TUBGCP4: variants seen among roughly 807,000 people sequenced by gnomAD.
TUBGCP4 encodes the protein tubulin gamma complex component 4, also known as gamma-tubulin complex component 4.
TUBGCP4 carries 54 observed loss-of-function variants against 91.6 expected under a neutral mutation model. That is an observed-to-expected ratio of 0.59 (90% confidence interval 0.47 to 0.74). The LOEUF is 0.74. Among genes scored for constraint, TUBGCP4 ranks in the 30% least tolerant of loss-of-function variants. The pLI, the probability that TUBGCP4 is intolerant of heterozygous loss-of-function variation, is 0.00. For missense variants in TUBGCP4, 593 were observed against 800.9 expected (o/e 0.74, Z 3.13); for synonymous variants, 297 against 302.8 (o/e 0.98, Z 0.20).
At chr15:43,371,538 C>T (rs754995321) in intron 1 of TUBGCP4, 106 bp downstream of exon 1, 7 of 1,144,024 alleles carry the variant, frequency 6.1e-6, no homozygotes, top group South Asian at 2.6e-5. Flanking sequence ...GCTTCCAGGG[C>T]TGGGGGCGTA....
intron 8 of TUBGCP4, 76 bp downstream of exon 8, chr15:43,386,032 C>T (rs2044351804): frequency 1.3e-6 from 2 of 1,568,848 alleles, no homozygotes; most frequent in Non-Finnish European, 1.7e-6. Flanking sequence ...CCACAGCATG[C>T]CTGGTCAGAG....
chr15:43,376,213 A>G lies in TUBGCP4; in HGVS notation c.194A>G (p.His65Arg), dbSNP rs373079822. The G allele has an allele frequency of 2.2e-4, 350 of 1,613,572 alleles. No individual in the cohort carries two copies. The highest frequency in any genetic ancestry group is 2.8e-4 in the Non-Finnish European group (334 of 1,179,974). The change falls in exon 2 of 18, where the codon CAT becomes CGT. Residue 65 changes from histidine (H) to arginine (R), a missense_variant. His to Arg is a conservative substitution (Grantham distance 29, BLOSUM62 0). Transcript: ENST00000564079. ...FTEFIEQYTG[H>R]VQQQDHHPSQ... Reference sequence around the variant, plus strand: ...GAGTTCATTGAACAGTACACGGGCCATGTGCAACAGCAGGTGGGTCCTGTT... The same window carrying G: ...GAGTTCATTGAACAGTACACGGGCCGTGTGCAACAGCAGGTGGGTCCTGTT...
Position 43,409,592 on chromosome 15 carries a change from G to T in TUBGCP4, c.*4378G>T. On this transcript the variant is annotated 3_prime_UTR_variant, in exon 18 of 18. Coordinates refer to ENST00000564079, the MANE Select transcript of TUBGCP4 (RefSeq NM_014444.5). ...CCCTCCCAGGCCTCTTCTCAACACA[G>T]CAAGTTGGCTCTTATCATTGCCACT... 1 of 992,898 alleles carries T rather than the reference G, an allele frequency of 1.0e-6. No homozygotes were observed. The highest frequency in any genetic ancestry group is 1.5e-6 in the Non-Finnish European group (1 of 681,232). The allele number at this position is 992,898 out of a possible 1,614,324, so 61.5% of individuals were successfully genotyped here.
At chr15:43,387,282 C>A (rs1467656698) in intron 9 of TUBGCP4, among the ~76,000 whole-genome samples, 2 of 88,656 alleles carry the variant, frequency 2.3e-5, no homozygotes, top group Non-Finnish European at 3.7e-5. Flanking sequence ...TGTGCTGGTG[C>A]CACCGACTTA....
rs2045005211 is a variant in TUBGCP4, at chr15:43,408,605, T to C, written c.*3391T>C. ...CTGGGGCTGAGAATAATCCAAATCA[T>C]GCTCCTGAGCCTATATATTTTTAAT... On this transcript the variant is annotated 3_prime_UTR_variant, in exon 18 of 18. Transcript: ENST00000564079. 1 of 376,788 alleles carries C rather than the reference T, an allele frequency of 2.7e-6. No individual in the cohort carries two copies. The highest frequency in any genetic ancestry group is 4.9e-6 in the Non-Finnish European group (1 of 203,292). The allele number at this position is 376,788 out of a possible 1,614,324, so 23.3% of individuals were successfully genotyped here.
intron 14 of TUBGCP4, among the ~76,000 whole-genome samples, chr15:43,401,268 T>C (rs1404933791): frequency 1.3e-5 from 2 of 151,210 alleles, no homozygotes; most frequent in Admixed American, 6.6e-5. Flanking sequence ...CTGGCCAACA[T>C]AGTGAAACCC....
chr15:43,390,483 C>T (rs772555877), intron 9 of TUBGCP4, among the ~76,000 whole-genome samples: 1 of 150,772 alleles, frequency 6.6e-6, no homozygotes, highest in Non-Finnish European at 1.5e-5. Flanking sequence ...TTTCAAAGAA[C>T]AAGCTTTTGT....
chr15:43,404,632 A>C (rs2044796519), intron 17 of TUBGCP4, 80 bp downstream of exon 17: 14 of 1,491,820 alleles, frequency 9.4e-6, no homozygotes, highest in Admixed American at 7.5e-5. Context: ...AACTGGAAGA[A>C]GACTTTAGTC....
chr15:43,407,185 G>C lies in TUBGCP4; in HGVS notation c.*1971G>C. ...GTCTTGTCATTTGTTCTGAGATTAA[G>C]CTCAAAAAAACAGATGAAGAAATCC... On this transcript the variant is annotated 3_prime_UTR_variant, in exon 18 of 18. Transcript: ENST00000564079. 1.8e-6 allele frequency: 1 copy of C among 564,438 alleles called. No homozygotes were observed. The allele number at this position is 564,438 out of a possible 1,614,324, so 35.0% of individuals were successfully genotyped here.
chr15:43,378,847 G>A (rs945003903), intron 5 of TUBGCP4, among the ~76,000 whole-genome samples: 1 of 152,248 alleles, frequency 6.6e-6, no homozygotes, highest in African/African-American at 2.4e-5. Context: ...TGTGCCCAGT[G>A]TCACACAGAT....
chr15:43,381,228 C>CTA (rs2044281077), intron 6 of TUBGCP4, among the ~76,000 whole-genome samples: 1 of 152,130 alleles, frequency 6.6e-6, no homozygotes, highest in South Asian at 2.1e-4. Context: ...GTAGATGATA[C>CTA]TATATATACA....
At chr15:43,372,454 T>C (rs945515974) in intron 1 of TUBGCP4, among the ~76,000 whole-genome samples, 1 of 152,218 alleles carries the variant, frequency 6.6e-6, no homozygotes, top group Non-Finnish European at 1.5e-5. Context: ...TGGTGGAGTT[T>C]GAATTGTTAT....
In TUBGCP4 at chr15:43,407,989, A is replaced by C; in HGVS notation, c.*2775A>C. On this transcript the variant is annotated 3_prime_UTR_variant, in exon 18 of 18. Transcript: ENST00000564079. ...GGTGCTGCTTCACAGAGGCTGCACC[A>C]CCAGTCATGAGGATCTCAGACCAGA... The C allele has an allele frequency of 6.2e-7, 1 of 1,614,054 alleles. No individual in the cohort carries two copies. Among genetic ancestry groups the C allele is most frequent in the Non-Finnish European group, 8.5e-7 (1 of 1,180,004 alleles).
Position 43,408,229 on chromosome 15 carries a change from G to A in TUBGCP4, c.*3015G>A, listed in dbSNP as rs45585139. 0.13 allele frequency: 111,692 copies of A among 876,330 alleles called. 9,732 individuals carry two copies. The highest frequency in any genetic ancestry group is 0.34 in the African/African-American group (19,806 of 58,610). 54.3% of individuals were successfully genotyped at this position (876,330 alleles called of 1,614,324 possible). ...ATAGTGTCTCAAGCCTGTAATCCCA[G>A]CACTTTGGGAGGCTGTCGTGGTTGG... is the stretch of plus-strand genomic sequence containing the variant. On this transcript the variant is annotated 3_prime_UTR_variant, in exon 18 of 18. Transcript: ENST00000564079.
In TUBGCP4 at chr15:43,386,043, CG is replaced by C. The variant is rs2044352263; in HGVS notation, c.889+88del. The C allele has an allele frequency of 2.9e-5, 45 of 1,543,546 alleles. 2 individuals are homozygous for C. The South Asian group carries it at 5.4e-4, about 18-fold the overall frequency. On this transcript the variant is annotated intron_variant, in intron 8 of 17. Coordinates refer to ENST00000564079, the MANE Select transcript of TUBGCP4 (RefSeq NM_014444.5). ...GGCCCCACAGCATGCCTGGTCAGAGCGAGTGGTCGATAATATTCCTATCCTG... is the reference window on the plus strand; with the variant it reads ...GGCCCCACAGCATGCCTGGTCAGAGCAGTGGTCGATAATATTCCTATCCTG...
At position 43,400,118 on chromosome 15, in the gene TUBGCP4, A is replaced by G; in HGVS notation, c.1493A>G (p.Gln498Arg). Reference protein sequence around the residue: ...QAELQHCWALQMQRKHLKSNQ... With the variant: ...QAELQHCWALRMQRKHLKSNQ... ...GAGCTGCAGCACTGCTGGGCCCTAC[A>G]AATGCAGCGCAAGCACCTCAAGTCG... Residue 498 changes from glutamine to arginine, a missense_variant, in exon 14 of 18, where the codon CAA becomes CGA. Transcript: ENST00000564079. 6.2e-7 allele frequency: 1 copy of G among 1,614,234 alleles called. No homozygotes were observed. The highest frequency in any genetic ancestry group is 8.5e-7 in the Non-Finnish European group (1 of 1,180,046).
chr15:43,376,534 G>T lies in TUBGCP4; in HGVS notation c.239G>T (p.Gly80Val). The change falls in exon 3 of 18, where the codon GGG (glycine) becomes GTG (valine). Residue 80 changes from glycine (G) to valine (V), a missense_variant. Physicochemically the swap from Gly to Val is moderately radical, Grantham distance 109 (BLOSUM62 -3). Coordinates refer to ENST00000564079, the MANE Select transcript of TUBGCP4 (RefSeq NM_014444.5). ...CATCCATCTCAACAGGGCCAAGGTG[G>T]GTTACATGGAATCTACCTGCGGGCC... The part of the protein sequence containing the change: ...DHHPSQQGQG[G>V]LHGIYLRAFC... The T allele has an allele frequency of 6.2e-7, 1 of 1,614,168 alleles. No individual in the cohort carries two copies. The highest frequency in any genetic ancestry group is 8.5e-7 in the Non-Finnish European group (1 of 1,180,032).
intron 13 of TUBGCP4, chr15:43,399,185 CCTATT>C: frequency 8.2e-7 from 1 of 1,219,240 alleles, no homozygotes; most frequent in Non-Finnish European, 1.1e-6. Context: ...GTAAATAAAT[CCTATT>C]CTACCAGGAA....
intron 12 of TUBGCP4, 34 bp from the exon 13 acceptor site, chr15:43,398,007 T>C (rs752317135): frequency 6.3e-7 from 1 of 1,588,574 alleles, no homozygotes; most frequent in Non-Finnish European, 8.5e-7. Flanking sequence ...CAAGTTGTTA[T>C]CTTTTCTTTT....
Sources: gnomAD v4.1 joint callset for allele counts (sites outside exome capture counted in the v4.1 genomes callset) on GRCh38, gnomAD v4.1.1 for gene constraint, MANE v1.5 for transcripts, NCBI Gene and HGNC (gene_info 2026-07-23, HGNC 2026-07-21) for gene names.